The following FER variants were observed in gnomAD, a reference collection of about 807,000 sequenced individuals.
The protein encoded by FER is FER tyrosine kinase, also known as tyrosine-protein kinase Fer.
Under a neutral mutation model 111.0 loss-of-function variants are expected in FER, and 63 were observed. That is an observed-to-expected ratio of 0.57 (90% CI 0.46 to 0.70). The LOEUF (loss-of-function observed/expected upper bound fraction) is 0.70, where lower values mean the gene tolerates loss of function less well. Among genes scored for constraint, FER ranks in the 30% least tolerant of loss-of-function variants. The probability of loss-of-function intolerance (pLI) is 0.00; values close to 1 mark genes in which losing one functional copy is unlikely to be tolerated. For synonymous variants in FER, 327 were observed against 313.9 expected (o/e 1.04, Z -0.44); for missense variants, 914 against 954.0 (o/e 0.96, Z 0.55).
rs144419600 is a variant in FER at position 108,844,144 on chromosome 5, G to GTGTGTGAACACATA, written c.481+8343_481+8344insAACACATATGTGTG. Among the ~76,000 whole-genome samples, 46 of 91,900 alleles carry GTGTGTGAACACATA rather than the reference G, an allele frequency of 5.0e-4. 2 individuals are homozygous for GTGTGTGAACACATA. Among genetic ancestry groups the GTGTGTGAACACATA allele is most frequent in the Non-Finnish European group, 7.1e-4 (29 of 40,654 alleles). 60.3% of individuals were successfully genotyped at this position (91,900 alleles called of 152,430 possible). Reference sequence around the variant, plus strand: ...CACATATATGTGTGTGAACATATATGTGTGTGTGAACATATATATGTGTGA... The same window carrying GTGTGTGAACACATA: ...CACATATATGTGTGTGAACATATATGTGTGTGAACACATATGTGTGTGAACATATATATGTGTGA... On this transcript the variant is annotated intron_variant, in intron 5 of 19. Transcript: ENST00000281092.
At chr5:109,108,107 T>A (rs1749163272) in intron 17 of FER, among the ~76,000 whole-genome samples, 1 of 152,166 alleles carries the variant, frequency 6.6e-6, no homozygotes, top group Admixed American at 6.6e-5. Flanking sequence ...AAAAGATGGC[T>A]ATCGTACACT....
intron 2 of FER, among the ~76,000 whole-genome samples, chr5:108,792,075 A>T (rs1755441913): frequency 6.6e-6 from 1 of 152,202 alleles, no homozygotes. Flanking sequence ...TAGTGTGTTG[A>T]TCACTGTAGC....
At chr5:109,021,663 C>G (rs558760638) in intron 13 of FER, among the ~76,000 whole-genome samples, 1 of 151,994 alleles carries the variant, frequency 6.6e-6, no homozygotes, top group African/African-American at 2.4e-5. Flanking sequence ...CAACATATAT[C>G]CCATCTCATT....
intron 17 of FER, among the ~76,000 whole-genome samples, chr5:109,138,127 A>C (rs1382292879): frequency 6.6e-6 from 1 of 152,218 alleles, no homozygotes; most frequent in East Asian, 1.9e-4. Context: ...CAAAGCATGT[A>C]CAGGAAAAGG....
chr5:108,997,619 T>G (rs1764166871), intron 13 of FER, among the ~76,000 whole-genome samples: 1 of 152,090 alleles, frequency 6.6e-6, no homozygotes, highest in African/African-American at 2.4e-5. Flanking sequence ...AGGGACCCAC[T>G]TGAGGAGGCA....
chr5:109,047,257 T>C, intron 16 of FER, 59 bp downstream of exon 16: 1 of 982,302 alleles, frequency 1.0e-6, no homozygotes, highest in East Asian at 2.5e-5. Flanking sequence ...TTATTGTTTT[T>C]ATATGTTCGA....
chr5:109,094,077 GAGGACTTATGGTCTCA>G (rs1747167524), intron 16 of FER, among the ~76,000 whole-genome samples: 2 of 151,968 alleles, frequency 1.3e-5, no homozygotes, highest in African/African-American at 4.8e-5. Flanking sequence ...GAGGGTGGCA[GAGGACTTATGGTCTCA>G]ATGTGCATGT....
chr5:109,130,497 T>C (rs1752240981), intron 17 of FER, among the ~76,000 whole-genome samples: 1 of 92,444 alleles, frequency 1.1e-5, no homozygotes, highest in African/African-American at 1.1e-4. Context: ...ACATTAAAAA[T>C]ATAAACAGAA....
chr5:108,989,256 A>T (rs1380294307), intron 13 of FER, among the ~76,000 whole-genome samples: 1 of 152,104 alleles, frequency 6.6e-6, no homozygotes, highest in Non-Finnish European at 1.5e-5. Context: ...AGTCATTATG[A>T]GAAAACGATT....
chr5:109,155,730 GGA>G (rs1378390334), intron 17 of FER, among the ~76,000 whole-genome samples: 1 of 151,958 alleles, frequency 6.6e-6, no homozygotes, highest in Non-Finnish European at 1.5e-5. Flanking sequence ...ATTCTGAAAT[GGA>G]TGATAAAATA....
chr5:108,831,132 G>A (rs1299533950), intron 3 of FER, among the ~76,000 whole-genome samples: 1 of 152,036 alleles, frequency 6.6e-6, no homozygotes, highest in Admixed American at 6.6e-5. Flanking sequence ...TGGTTTTTTG[G>A]CTTGCAAGAA....
intron 13 of FER, among the ~76,000 whole-genome samples, chr5:108,974,630 G>C (rs1446406394): frequency 2.0e-5 from 3 of 152,184 alleles, no homozygotes; most frequent in Admixed American, 6.5e-5. Flanking sequence ...ACTATGTTAA[G>C]GATTTTGTGA....
At chr5:109,109,867 C>A (rs1749390273) in intron 17 of FER, among the ~76,000 whole-genome samples, 1 of 152,124 alleles carries the variant, frequency 6.6e-6, no homozygotes, top group South Asian at 2.1e-4. Context: ...CTGAGATGCT[C>A]ATTTTCTTGC....
intron 17 of FER, among the ~76,000 whole-genome samples, chr5:109,149,711 A>C (rs1159147421): frequency 6.6e-6 from 1 of 152,120 alleles, no homozygotes; most frequent in Non-Finnish European, 1.5e-5. Context: ...ATATGGAAAC[A>C]CGCTTATAAG....
chr5:109,019,297 G>C lies in FER; in HGVS notation c.1657-18125G>C, dbSNP rs1767612311. On this transcript the variant is annotated intron_variant, in intron 13 of 19. Transcript: ENST00000281092. ...TGCCCTCATAAAATTTTAAATTATAGGTTTATTTACAATAGCAGTCTAGAA... is the reference window on the plus strand; with the variant it reads ...TGCCCTCATAAAATTTTAAATTATACGTTTATTTACAATAGCAGTCTAGAA... 1.3e-5 allele frequency among the ~76,000 whole-genome samples: 2 copies of C among 151,550 alleles called. 1 individual carries two copies. Among genetic ancestry groups the C allele is most frequent in the Admixed American group, 1.3e-4 (2 of 15,150 alleles).
intron 9 of FER, among the ~76,000 whole-genome samples, chr5:108,886,372 A>G (rs1747157076): frequency 6.7e-6 from 1 of 149,676 alleles, no homozygotes; most frequent in Admixed American, 6.7e-5. Context: ...ACTTTGTGTC[A>G]CATATTATGC....
intron 16 of FER, among the ~76,000 whole-genome samples, chr5:109,080,013 A>C (rs1304206730): frequency 2.6e-5 from 4 of 152,176 alleles, no homozygotes; most frequent in African/African-American, 9.6e-5. Context: ...TGGTAGTTTA[A>C]TAAAACTGCT....
At chr5:109,015,832 G>A (rs139422233) in intron 13 of FER, among the ~76,000 whole-genome samples, 1 of 152,020 alleles carries the variant, frequency 6.6e-6, no homozygotes, top group African/African-American at 2.4e-5. Flanking sequence ...GCTTTTTTCT[G>A]TGTTGTCAGC....
rs1044525766 is a variant in FER, at chr5:109,059,961, T to C, written c.1924+12763T>C. Among the ~76,000 whole-genome samples the C allele has an allele frequency of 2.0e-5, 3 of 152,164 alleles. No individual in the cohort carries two copies. In the East Asian group the frequency reaches 5.8e-4, roughly 29 times the overall value. ...AGCTGATGAATGAATAACCAATATT[T>C]AGTATATCCATACAGTAAATAACTA... On this transcript the variant is annotated intron_variant, in intron 16 of 19. Coordinates refer to ENST00000281092, the MANE Select transcript of FER (RefSeq NM_005246.4).
Sources: gnomAD v4.1 joint callset for allele counts (sites outside exome capture counted in the v4.1 genomes callset) on GRCh38, gnomAD v4.1.1 for gene constraint, MANE v1.5 for transcripts, NCBI Gene and HGNC (gene_info 2026-07-23, HGNC 2026-07-21) for gene names.